L3MBTL4: variants seen among roughly 807,000 people sequenced by gnomAD.
L3MBTL4 encodes lethal(3)malignant brain tumor-like protein 4.
L3MBTL4 carries 70 observed loss-of-function variants against 84.5 expected under a neutral mutation model. The ratio of observed to expected loss-of-function variants is 0.83; its 90% confidence interval spans 0.68 to 1.01. L3MBTL4 has a LOEUF of 1.01. Among genes scored for constraint, L3MBTL4 ranks in the 50% least tolerant of loss-of-function variants. The pLI, the probability that L3MBTL4 is intolerant of heterozygous loss-of-function variation, is 0.00. For synonymous variants in L3MBTL4, 274 were observed against 259.8 expected (o/e 1.05, Z -0.52); for missense variants, 715 against 754.8 (o/e 0.95, Z 0.62).
chr18:6,383,441 T>G (rs1414644808), intron 1 of L3MBTL4, among the ~76,000 whole-genome samples: 1 of 151,946 alleles, frequency 6.6e-6, no homozygotes, highest in Non-Finnish European at 1.5e-5. Context: ...CCTGGTGGGG[T>G]AGGCACCAGA....
chr18:6,032,384 T>TCACA, intron 16 of L3MBTL4: 2 of 427,474 alleles, frequency 4.7e-6, no homozygotes, highest in Non-Finnish European at 5.8e-6. Flanking sequence ...ATGAAATATG[T>TCACA]TACACACACA....
At chr18:6,122,347 T>C (rs544141425) in intron 14 of L3MBTL4, among the ~76,000 whole-genome samples, 2 of 152,340 alleles carry the variant, frequency 1.3e-5, no homozygotes, top group East Asian at 3.9e-4. Flanking sequence ...CAACTTGATA[T>C]GATTTGGCTG....
intron 3 of L3MBTL4, among the ~76,000 whole-genome samples, chr18:6,309,719 G>C (rs964833047): frequency 1.8e-4 from 27 of 152,182 alleles, no homozygotes; most frequent in African/African-American, 6.3e-4. Flanking sequence ...TAATGCAGAA[G>C]AGGCAAACGG....
intron 1 of L3MBTL4, among the ~76,000 whole-genome samples, chr18:6,366,102 A>G (rs1036681804): frequency 9.2e-5 from 14 of 152,212 alleles, no homozygotes; most frequent in Non-Finnish European, 1.6e-4. Flanking sequence ...CCTTTTATTT[A>G]ATTCTATAGT....
At chr18:5,973,729 T>C (rs736632) in intron 16 of L3MBTL4, among the ~76,000 whole-genome samples, 71,899 of 151,974 alleles carry the variant, frequency 0.47, 18,132 homozygotes, top group Non-Finnish European at 0.56. Flanking sequence ...TTGATAAGGA[T>C]GTTTGCCACA....
chr18:6,200,256 T>A (rs1306345928), intron 12 of L3MBTL4, among the ~76,000 whole-genome samples: 1 of 152,148 alleles, frequency 6.6e-6, no homozygotes, highest in African/African-American at 2.4e-5. Context: ...GGCTTTGGGA[T>A]TTTTCATGTA....
At chr18:6,302,234 T>A (rs1313009291) in intron 3 of L3MBTL4, among the ~76,000 whole-genome samples, 3 of 151,840 alleles carry the variant, frequency 2.0e-5, no homozygotes, top group Non-Finnish European at 4.4e-5. Flanking sequence ...CACAGGTACC[T>A]TCCCTGAGTG....
At chr18:6,004,549 G>C (rs1273790941) in intron 16 of L3MBTL4, among the ~76,000 whole-genome samples, 1 of 152,154 alleles carries the variant, frequency 6.6e-6, no homozygotes, top group Non-Finnish European at 1.5e-5. Context: ...AAGGAAGAAG[G>C]AGAATTATCT....
At chr18:6,396,891 C>A (rs981618516) in intron 1 of L3MBTL4, 3 of 152,204 alleles carry the variant, frequency 2.0e-5, no homozygotes, top group Non-Finnish European at 4.4e-5. Flanking sequence ...TAAGTTACTG[C>A]CATTCACACA....
intron 1 of L3MBTL4, chr18:6,397,928 C>CA (rs1434633634): frequency 2.6e-5 from 4 of 152,072 alleles, no homozygotes; most frequent in African/African-American, 9.7e-5. Context: ...CCCTCCTCTT[C>CA]ACTGTGTCCA....
chr18:6,368,707 A>G (rs756722572), intron 1 of L3MBTL4, among the ~76,000 whole-genome samples: 3 of 152,184 alleles, frequency 2.0e-5, no homozygotes, highest in Non-Finnish European at 4.4e-5. Flanking sequence ...ACTTTAAGCA[A>G]CTGGCAAACA....
In L3MBTL4 at chr18:6,085,251, A is replaced by C. The variant is rs138270648; in HGVS notation, c.1374-4300T>G. On this transcript the variant is annotated intron_variant, in intron 15 of 18. Coordinates refer to ENST00000317931, the MANE Select transcript of L3MBTL4 (RefSeq NM_001330559.2). The stretch of plus-strand genomic sequence containing the variant: ...ACTGGAAACCATGGTCATTAGGGGA[A>C]TGGTTGAATGAGTTCGGTATGCCTA... 3.5e-3 allele frequency among the ~76,000 whole-genome samples: 452 copies of C among 128,928 alleles called. 8 individuals carry two copies. Among genetic ancestry groups the C allele is most frequent in the Admixed American group, 0.03 (424 of 14,234 alleles). The allele number at this position is 128,928 out of a possible 152,430, so 84.6% of individuals were successfully genotyped here.
intron 15 of L3MBTL4, among the ~76,000 whole-genome samples, chr18:6,089,862 A>G (rs1202002909): frequency 1.3e-5 from 2 of 152,206 alleles, no homozygotes; most frequent in Non-Finnish European, 2.9e-5. Flanking sequence ...GCTGTATTTA[A>G]TCAGACGACC....
intron 10 of L3MBTL4, among the ~76,000 whole-genome samples, chr18:6,224,492 A>C (rs144195738): frequency 1.3e-5 from 2 of 152,278 alleles, no homozygotes; most frequent in East Asian, 3.9e-4. Flanking sequence ...TTAAGGCAAA[A>C]GGCTGGAGGT....
At chr18:6,199,462 G>A (rs752690374) in intron 12 of L3MBTL4, among the ~76,000 whole-genome samples, 7 of 152,304 alleles carry the variant, frequency 4.6e-5, no homozygotes, top group Middle Eastern at 6.8e-3. Flanking sequence ...TGCCATGTCC[G>A]TCACTGCAGG....
At chr18:6,230,150 C>A (rs1188717178) in intron 10 of L3MBTL4, among the ~76,000 whole-genome samples, 4 of 151,928 alleles carry the variant, frequency 2.6e-5, no homozygotes, top group Non-Finnish European at 5.9e-5. Flanking sequence ...GTCACAGGGG[C>A]CTGGTGTAAA....
In L3MBTL4 at chr18:5,993,546, T is replaced by G. The variant is rs78312094; in HGVS notation, c.1445-23984A>C. ...CCTGGACAAGCTCTTCTAGAGCAAG[T>G]TTTTTTTCCCATTATTTTAGGATTA... On this transcript the variant is annotated intron_variant, in intron 16 of 18. Coordinates refer to ENST00000317931, the MANE Select transcript of L3MBTL4 (RefSeq NM_001330559.2). Among the ~76,000 whole-genome samples, 197 of 142,474 alleles carry G rather than the reference T, an allele frequency of 1.4e-3. No individual in the cohort carries two copies. The East Asian group carries it at 0.034, about 24-fold the overall frequency. 93.5% of individuals were successfully genotyped at this position (142,474 alleles called of 152,430 possible).
intron 13 of L3MBTL4, among the ~76,000 whole-genome samples, chr18:6,146,698 T>C (rs2042669271): frequency 6.6e-6 from 1 of 152,216 alleles, no homozygotes; most frequent in African/African-American, 2.4e-5. Context: ...AAAAAGTGGA[T>C]TTATGCCCCA....
chr18:6,372,030 C>T (rs2054178710), intron 1 of L3MBTL4, among the ~76,000 whole-genome samples: 1 of 152,234 alleles, frequency 6.6e-6, no homozygotes, highest in African/African-American at 2.4e-5. Context: ...CACATCTTGT[C>T]AGGGGTGCCA....
Sources: gnomAD v4.1 joint callset for allele counts (sites outside exome capture counted in the v4.1 genomes callset) on GRCh38, gnomAD v4.1.1 for gene constraint, MANE v1.5 for transcripts, NCBI Gene and HGNC (gene_info 2026-07-23, HGNC 2026-07-21) for gene names.